TMEM132B: variants seen among roughly 807,000 people sequenced by gnomAD.
TMEM132B encodes transmembrane protein 132B.
TMEM132B carries 18 observed loss-of-function variants against 90.8 expected under a neutral mutation model. The ratio of observed to expected loss-of-function variants is 0.20; its 90% CI spans 0.14 to 0.29. The LOEUF (loss-of-function observed/expected upper bound fraction) is 0.29. TMEM132B is among the 10% of genes least tolerant of loss of function. The probability of loss-of-function intolerance (pLI) is 1.00; values close to 1 mark genes in which losing one functional copy is unlikely to be tolerated. For missense variants in TMEM132B, 1,096 were observed against 1,326.8 expected (o/e 0.83, Z 2.70); for synonymous variants, 504 against 523.3 (o/e 0.96, Z 0.50).
intron 1 of TMEM132B, among the ~76,000 whole-genome samples, chr12:125,270,113 TGTG>T (rs1874797627): frequency 1.5e-4 from 1 of 6,674 alleles, no homozygotes; most frequent in Admixed American, 1.2e-3. Flanking sequence ...ACATCTTTGT[TGTG>T]TGTGTGTGTG....
chr12:125,623,752 A>G (rs1886166917), intron 5 of TMEM132B, among the ~76,000 whole-genome samples: 1 of 152,210 alleles, frequency 6.6e-6, no homozygotes, highest in South Asian at 2.1e-4. Flanking sequence ...CCTGCAGGGC[A>G]TCGCCTCTCT....
intron 1 of TMEM132B, among the ~76,000 whole-genome samples, chr12:125,218,408 C>T (rs1032073483): frequency 2.6e-5 from 4 of 152,006 alleles, no homozygotes; most frequent in African/African-American, 4.8e-5. Flanking sequence ...TCCTTGTGAC[C>T]GAGAGCTTCC....
chr12:125,534,294 A>G (rs1330393715), intron 4 of TMEM132B, among the ~76,000 whole-genome samples: 1 of 152,168 alleles, frequency 6.6e-6, no homozygotes, highest in Non-Finnish European at 1.5e-5. Context: ...AGGCAGGAGG[A>G]CTGCTTGAGC....
At chr12:125,276,054 A>G (rs1465857030) in intron 1 of TMEM132B, among the ~76,000 whole-genome samples, 1 of 152,202 alleles carries the variant, frequency 6.6e-6, no homozygotes, top group Non-Finnish European at 1.5e-5. Context: ...AAAATTGACA[A>G]ACATCTTCTC....
rs142142596 is a variant in TMEM132B, at chr12:125,315,783, T to A, written c.68-33669T>A. ...AGTGAACAGGAGACCCCATTCCCCA[T>A]CTAAAGATAGCAGTTGCTACTTGGC... On this transcript the variant is annotated intron_variant, in intron 1 of 8. Coordinates refer to ENST00000682704, the MANE Select transcript of TMEM132B (RefSeq NM_001366854.1). 1.2e-3 allele frequency among the ~76,000 whole-genome samples: 187 copies of A among 152,270 alleles called. 1 individual carries two copies. Among genetic ancestry groups the A allele is most frequent in the African/African-American group, 4.4e-3 (181 of 41,536 alleles).
At chr12:125,436,890 T>C (rs1457582133) in intron 3 of TMEM132B, among the ~76,000 whole-genome samples, 1 of 152,072 alleles carries the variant, frequency 6.6e-6, no homozygotes, top group Non-Finnish European at 1.5e-5. Context: ...CTCAGAAGCA[T>C]CTCCCCAGAA....
chr12:125,503,113 CG>C (rs1237661558), intron 3 of TMEM132B, among the ~76,000 whole-genome samples: 4 of 152,188 alleles, frequency 2.6e-5, no homozygotes, highest in African/African-American at 9.7e-5. Flanking sequence ...TGCCTTAAGA[CG>C]GAGAAGAGTT....
At chr12:125,404,696 C>T (rs1301912327) in intron 2 of TMEM132B, among the ~76,000 whole-genome samples, 1 of 152,124 alleles carries the variant, frequency 6.6e-6, no homozygotes, top group Non-Finnish European at 1.5e-5. Context: ...CAATGGTTAT[C>T]CAAGGCCTCA....
chr12:125,271,358 C>A (rs1874832214), intron 1 of TMEM132B, among the ~76,000 whole-genome samples: 1 of 152,138 alleles, frequency 6.6e-6, no homozygotes, highest in Admixed American at 6.5e-5. Flanking sequence ...GATCTTCATT[C>A]CATTCATTAT....
chr12:125,243,052 CATACATATAT>C (rs1412862682), intron 1 of TMEM132B, among the ~76,000 whole-genome samples: 3 of 139,782 alleles, frequency 2.1e-5, no homozygotes, highest in Non-Finnish European at 3.1e-5. Flanking sequence ...CACACACACA[CATACATATAT>C]ACACACACAT....
Position 125,445,571 on chromosome 12 carries a change from C to A in TMEM132B, c.1106+29894C>A, listed in dbSNP as rs1482059141. On this transcript the variant is annotated intron_variant, in intron 3 of 8. Transcript: ENST00000682704. This position sits in a 1 kb window ranked among gnomAD's most constrained non-coding sequence, Gnocchi z 4.3. The stretch of plus-strand genomic sequence containing the variant: ...TCTTTTTTCTTCTTTTTCCTGCTGA[C>A]ATCTGGCTGCAGTGGTGCATGGGCA... 2.0e-5 allele frequency among the ~76,000 whole-genome samples: 3 copies of A among 152,180 alleles called. No individual in the cohort carries two copies. Among genetic ancestry groups the A allele is most frequent in the African/African-American group, 4.8e-5 (2 of 41,430 alleles).
rs775444777 is a variant in TMEM132B at position 125,349,830 on chromosome 12, G to T, written c.446G>T (p.Gly149Val). 1 of 1,614,204 alleles carries T rather than the reference G, an allele frequency of 6.2e-7. No homozygotes were observed. Among genetic ancestry groups the T allele is most frequent in the Non-Finnish European group, 8.5e-7 (1 of 1,180,038 alleles). The change falls in exon 2 of 9, where the codon GGC (glycine) becomes GTC (valine). Residue 149 changes from glycine to valine, a missense_variant. Gly to Val is a moderately radical substitution (Grantham distance 109). Coordinates refer to ENST00000682704, the MANE Select transcript of TMEM132B (RefSeq NM_001366854.1). This position sits in a 1 kb window ranked among gnomAD's most constrained non-coding sequence, Gnocchi z 4.1. ...GTGCAGACCTTGTTTTATGTCACTGGCATGGGCTGGGATGACAGTGACCTT... is the reference window on the plus strand; with the variant it reads ...GTGCAGACCTTGTTTTATGTCACTGTCATGGGCTGGGATGACAGTGACCTT... ...PKVQTLFYVT[G>V]MGWDDSDLTE...
chr12:125,439,134 G>C (rs1295461719), intron 3 of TMEM132B, among the ~76,000 whole-genome samples: 1 of 146,420 alleles, frequency 6.8e-6, no homozygotes, highest in African/African-American at 2.6e-5. Context: ...GATTGTCTTG[G>C]CTGTTCAGGC....
At chr12:125,432,429 G>GTATA (rs1427754143) in intron 3 of TMEM132B, among the ~76,000 whole-genome samples, 5 of 64,206 alleles carry the variant, frequency 7.8e-5, no homozygotes, top group African/African-American at 1.2e-4. Context: ...ATATGTATGT[G>GTATA]TATATATATG....
At chr12:125,560,977 A>T (rs961735803) in intron 4 of TMEM132B, among the ~76,000 whole-genome samples, 1 of 152,022 alleles carries the variant, frequency 6.6e-6, no homozygotes, top group African/African-American at 2.4e-5. Flanking sequence ...TTCCTCAAGG[A>T]TCTAGAACTA....
At chr12:125,369,107 T>C (rs912395202) in intron 2 of TMEM132B, among the ~76,000 whole-genome samples, 1 of 149,986 alleles carries the variant, frequency 6.7e-6, no homozygotes, top group Non-Finnish European at 1.5e-5. Context: ...CACCTATGAG[T>C]GAGAACATGT....
intron 2 of TMEM132B, among the ~76,000 whole-genome samples, chr12:125,378,121 A>G (rs1878549080): frequency 1.3e-5 from 2 of 152,146 alleles, no homozygotes; most frequent in African/African-American, 4.8e-5. Flanking sequence ...GTATGGAGTG[A>G]TGGGCCGCCC....
chr12:125,567,438 C>T (rs113866945), intron 4 of TMEM132B, among the ~76,000 whole-genome samples: 1 of 152,112 alleles, frequency 6.6e-6, no homozygotes, highest in African/African-American at 2.4e-5. Context: ...GCTCTGACCC[C>T]TGCCCCACAC....
At chr12:125,644,344 C>G in intron 6 of TMEM132B, 63 bp downstream of exon 6, 2 of 1,559,674 alleles carry the variant, frequency 1.3e-6, no homozygotes, top group Non-Finnish European at 1.7e-6. Flanking sequence ...TTGTGGGAGG[C>G]AAACTGGCCC....
Sources: gnomAD v4.1 joint callset for allele counts (sites outside exome capture counted in the v4.1 genomes callset) on GRCh38, gnomAD v4.1.1 for gene constraint, Gnocchi (gnomAD v3.1) non-coding constraint, MANE v1.5 for transcripts, NCBI Gene and HGNC (gene_info 2026-07-23, HGNC 2026-07-21) for gene names.